The following ADCY9 variants were observed in gnomAD, a reference collection of about 807,000 sequenced individuals.
ADCY9 encodes the protein adenylate cyclase 9.
In ADCY9, 50 loss-of-function variants were observed where a neutral mutation model predicts 101.5. The ratio of observed to expected loss-of-function variants is 0.49; its 90% CI spans 0.39 to 0.62. The LOEUF (loss-of-function observed/expected upper bound fraction) is 0.62, where lower values mean the gene tolerates loss of function less well. Ranked by LOEUF, ADCY9 falls within the 20% of genes least tolerant of loss-of-function variation. ADCY9 has a pLI of 0.00. For missense variants in ADCY9, 1,662 were observed against 1,800.4 expected (o/e 0.92, Z 1.39); for synonymous variants, 905 against 769.3 (o/e 1.18, Z -2.92).
intron 2 of ADCY9, among the ~76,000 whole-genome samples, chr16:4,045,924 G>C (rs980362641): frequency 7.6e-6 from 1 of 132,016 alleles, no homozygotes; most frequent in African/African-American, 2.8e-5. Context: ...TGCCCAGGCT[G>C]GTCTTGAACT....
At chr16:4,108,746 C>T (rs1395490972) in intron 2 of ADCY9, among the ~76,000 whole-genome samples, 2 of 147,614 alleles carry the variant, frequency 1.4e-5, no homozygotes, top group Non-Finnish European at 3.0e-5. Flanking sequence ...ATTCTTGTCG[C>T]CCAGGCTGGA....
chr16:4,009,671 A>C (rs2056390533), intron 2 of ADCY9, among the ~76,000 whole-genome samples: 1 of 152,210 alleles, frequency 6.6e-6, no homozygotes, highest in South Asian at 2.1e-4. Flanking sequence ...ACATGTATAC[A>C]CTGAAATGGA....
At chr16:3,956,699 TGGCCAG>T (rs1473329528) in intron 5 of ADCY9, among the ~76,000 whole-genome samples, 1 of 151,528 alleles carries the variant, frequency 6.6e-6, no homozygotes, top group Non-Finnish European at 1.5e-5. Context: ...TTCACCATGT[TGGCCAG>T]GCTGGACTCG....
At chr16:4,075,461 C>G (rs192711086) in intron 2 of ADCY9, among the ~76,000 whole-genome samples, 36 of 152,232 alleles carry the variant, frequency 2.4e-4, no homozygotes, top group Admixed American at 2.2e-3. Context: ...TAATCTCTTA[C>G]TAAATTAACC....
chr16:3,990,086 T>C (rs145651429), intron 5 of ADCY9, among the ~76,000 whole-genome samples: 1 of 152,310 alleles, frequency 6.6e-6, no homozygotes, highest in Non-Finnish European at 1.5e-5. Flanking sequence ...AGAAAATTAC[T>C]AGAAACTAAG....
In ADCY9 at chr16:4,114,485, C is replaced by A. The variant is rs1242429238; in HGVS notation, c.958G>T (p.Gly320Trp). 7.4e-6 allele frequency: 12 copies of A among 1,614,026 alleles called. No homozygotes were observed. Among genetic ancestry groups the A allele is most frequent in the African/African-American group, 4.0e-5 (3 of 74,904 alleles). Residue 320 changes from glycine to tryptophan, a missense_variant, in exon 2 of 11, where the codon GGG (glycine) becomes TGG (tryptophan). Physicochemically the swap from Gly to Trp is radical, Grantham distance 184. This residue lies in a region of ADCY9 where 228 missense variants were observed against 301.1 expected (regional missense o/e 0.76). Transcript: ENST00000294016. This position sits in a 1 kb window ranked among gnomAD's most constrained non-coding sequence, Gnocchi z 4.3. ...GCTTTTTCCACTTCCAGGTCCTTCCCGTGCATAATGGATTGCCCCACCTTG... is the reference window on the plus strand; with the variant it reads ...GCTTTTTCCACTTCCAGGTCCTTCCAGTGCATAATGGATTGCCCCACCTTG... ...FLKVGQSIMH[G>W]KDLEVEKALK...
At chr16:3,991,644 C>G (rs982234485) in intron 5 of ADCY9, among the ~76,000 whole-genome samples, 1 of 151,540 alleles carries the variant, frequency 6.6e-6, no homozygotes, top group Non-Finnish European at 1.5e-5. Context: ...GCCTGTAGTC[C>G]CAGCTACTTG....
In ADCY9 at chr16:3,966,279, G is replaced by A. The variant is rs1353293574; in HGVS notation, c.3558C>T (p.Ile1186=). Residue 1186 remains isoleucine, a synonymous_variant, in exon 11 of 11, where the codon ATC becomes ATT. Transcript: ENST00000294016. ...TGGCGATGTTGACGGTGTCTCCCCAGATGTCGTACAGCAGCTTGGTGGTGC... is the reference window on the plus strand; with the variant it reads ...TGGCGATGTTGACGGTGTCTCCCCAAATGTCGTACAGCAGCTTGGTGGTGC... The part of the protein sequence containing the change: ...VIGTTKLLYD[I]WGDTVNIASR... The A allele has an allele frequency of 6.2e-7, 1 of 1,614,176 alleles. No individual in the cohort carries two copies. The highest frequency in any genetic ancestry group is 2.2e-5 in the East Asian group (1 of 44,880).
At chr16:4,001,366 T>A (rs1280951069) in intron 3 of ADCY9, among the ~76,000 whole-genome samples, 2 of 152,144 alleles carry the variant, frequency 1.3e-5, no homozygotes, top group Non-Finnish European at 2.9e-5. Context: ...ACCTGCCTGG[T>A]GCTTTCTCAG....
chr16:3,984,575 T>G (rs555111220), intron 6 of ADCY9, among the ~76,000 whole-genome samples: 2 of 152,226 alleles, frequency 1.3e-5, no homozygotes, highest in South Asian at 4.1e-4. Flanking sequence ...GGGCTACCCC[T>G]AGGGCACACA....
intron 2 of ADCY9, among the ~76,000 whole-genome samples, chr16:4,093,696 C>G (rs916259572): frequency 6.6e-6 from 1 of 152,146 alleles, no homozygotes; most frequent in Non-Finnish European, 1.5e-5. Context: ...GAGGCGGAGG[C>G]TGCAATGAGC....
downstream of ADCY9, among the ~76,000 whole-genome samples, chr16:3,958,428 TAC>T (rs1029378084): frequency 6.7e-6 from 1 of 149,748 alleles, no homozygotes; most frequent in Admixed American, 6.7e-5. Context: ...TAATCCCAAC[TAC>T]TGGGGAGGCT....
In ADCY9 at chr16:3,965,476, A is replaced by C; in HGVS notation, c.*299T>G. 1 of 438,372 alleles carries C rather than the reference A, an allele frequency of 2.3e-6. No individual in the cohort carries two copies. The highest frequency in any genetic ancestry group is 4.0e-6 in the Non-Finnish European group (1 of 246,966). The allele number at this position is 438,372 out of a possible 1,614,324, so 27.2% of individuals were successfully genotyped here. A position where few individuals can be genotyped will look rare whatever the true frequency, so the allele number is the denominator to read the frequency against. ...AATAATACCCAAAGCCATGATCTCCACTGGCGGCCTCTGTCCCGAGACTCG... is the reference window on the plus strand; with the variant it reads ...AATAATACCCAAAGCCATGATCTCCCCTGGCGGCCTCTGTCCCGAGACTCG... On this transcript the variant is annotated 3_prime_UTR_variant, in exon 11 of 11. Transcript: ENST00000294016.
At chr16:3,954,145 C>A (rs1202899424) in intron 5 of ADCY9, among the ~76,000 whole-genome samples, 1 of 152,186 alleles carries the variant, frequency 6.6e-6, no homozygotes, top group Non-Finnish European at 1.5e-5. Flanking sequence ...TACCCAGAGG[C>A]CCCACTGACG....
chr16:3,981,321 G>A (rs941533798), intron 7 of ADCY9, among the ~76,000 whole-genome samples: 3 of 152,164 alleles, frequency 2.0e-5, no homozygotes, highest in Non-Finnish European at 2.9e-5. Flanking sequence ...ATAGCTAAAG[G>A]GTGAAAGTAA....
chr16:4,059,949 G>GC (rs142248354), intron 2 of ADCY9, among the ~76,000 whole-genome samples: 1 of 152,288 alleles, frequency 6.6e-6, no homozygotes, highest in East Asian at 1.9e-4. Context: ...TTGAGTTAGA[G>GC]CGGTGGTGTT....
At chr16:4,005,494 A>G (rs2056361033) in intron 3 of ADCY9, among the ~76,000 whole-genome samples, 1 of 152,158 alleles carries the variant, frequency 6.6e-6, no homozygotes, top group Non-Finnish European at 1.5e-5. Context: ...CGCCCACAGC[A>G]CCAGGATTAC....
At chr16:3,971,736 A>T (rs996277764) in intron 10 of ADCY9, among the ~76,000 whole-genome samples, 2 of 151,994 alleles carry the variant, frequency 1.3e-5, no homozygotes, top group Non-Finnish European at 2.9e-5. Context: ...TGACACCAAG[A>T]ACAGTCCCCT....
intron 2 of ADCY9, among the ~76,000 whole-genome samples, chr16:4,074,201 AAC>A (rs2056852126): frequency 6.6e-6 from 1 of 152,032 alleles, no homozygotes; most frequent in Admixed American, 6.6e-5. Flanking sequence ...TAGCATCATA[AAC>A]ATTTACAAGG....
Sources: allele counts gnomAD v4.1 joint callset (sites outside exome capture counted in the v4.1 genomes callset), GRCh38; gene constraint gnomAD v4.1.1; regional missense constraint gnomAD v4.1.1; non-coding constraint Gnocchi (gnomAD v3.1); transcripts MANE v1.5; gene names NCBI Gene and HGNC (gene_info 2026-07-23, HGNC 2026-07-21).